NEMP2: variants seen among roughly 807,000 people sequenced by gnomAD.
NEMP2 encodes UPF0571 transmembrane protein.
A neutral mutation model predicts 54.2 loss-of-function variants in NEMP2; 53 were observed. That is an observed-to-expected ratio of 0.98 (90% CI 0.78 to 1.23). The LOEUF is 1.23. Among genes scored for constraint, NEMP2 ranks in the 50% most tolerant of loss-of-function variants. NEMP2 has a pLI of 0.00. For missense variants in NEMP2, 455 were observed against 511.3 expected (o/e 0.89, Z 1.06); for synonymous variants, 197 against 190.3 (o/e 1.04, Z -0.29).
At chr2:190,468,619 AT>A in the NEMP2 span, among the ~76,000 whole-genome samples, 75,573 of 127,956 alleles carry the variant, frequency 0.59, 22,122 homozygotes, top group East Asian at 0.9. Context: ...AGCCTGGCTA[AT>A]TTTTTTTTTT....
chr2:190,535,580 A>G (rs1489300226), upstream of NEMP2, among the ~76,000 whole-genome samples: 1 of 152,210 alleles, frequency 6.6e-6, no homozygotes, highest in Non-Finnish European at 1.5e-5. Context: ...TTTTGGTGAG[A>G]TATCTTAGAG....
At chr2:190,496,824 A>G in the NEMP2 span, among the ~76,000 whole-genome samples, 34,341 of 152,178 alleles carry the variant, frequency 0.23, 4,978 homozygotes, top group South Asian at 0.34. This position sits in a 1 kb window ranked among gnomAD's most constrained non-coding sequence, Gnocchi z 4.7. Context: ...AAAACCAAAC[A>G]TCGTATATTC....
At chr2:190,587,025 C>A in the NEMP2 span, among the ~76,000 whole-genome samples, 1 of 152,114 alleles carries the variant, frequency 6.6e-6, no homozygotes, top group Non-Finnish European at 1.5e-5. This position sits in a 1 kb window ranked among gnomAD's most constrained non-coding sequence, Gnocchi z 5.4. Flanking sequence ...CCATGTACAT[C>A]GTACACACAA....
chr2:190,578,652 T>C, the NEMP2 span, among the ~76,000 whole-genome samples: 1 of 151,838 alleles, frequency 6.6e-6, no homozygotes, highest in Non-Finnish European at 1.5e-5. The surrounding 1 kb of genome is among the most constrained non-coding windows in gnomAD (Gnocchi z 4.4). Flanking sequence ...CTGAGAGATA[T>C]GTGGGTGTGT....
chr2:190,612,225 G>A, the NEMP2 span, among the ~76,000 whole-genome samples: 1 of 143,300 alleles, frequency 7.0e-6, no homozygotes, highest in Non-Finnish European at 1.5e-5. Flanking sequence ...GCATGATCTC[G>A]GCTCACTGTA....
At chr2:190,589,813 T>A in the NEMP2 span, among the ~76,000 whole-genome samples, 1 of 152,194 alleles carries the variant, frequency 6.6e-6, no homozygotes, top group Non-Finnish European at 1.5e-5. The surrounding 1 kb of genome is among the most constrained non-coding windows in gnomAD (Gnocchi z 4.3). Flanking sequence ...CCATTGCCAA[T>A]GGCCTACCTG....
chr2:190,584,989 C>G, the NEMP2 span, among the ~76,000 whole-genome samples: 2 of 151,974 alleles, frequency 1.3e-5, no homozygotes, highest in African/African-American at 4.8e-5. The surrounding 1 kb of genome is among the most constrained non-coding windows in gnomAD (Gnocchi z 4.2). Flanking sequence ...GCTTAACTTC[C>G]AGTCAGTTGG....
chr2:190,609,786 C>G, the NEMP2 span: 1 of 152,210 alleles, frequency 6.6e-6, no homozygotes, highest in Non-Finnish European at 1.5e-5. This position sits in a 1 kb window ranked among gnomAD's most constrained non-coding sequence, Gnocchi z 4.7. Flanking sequence ...TTTCTGGCTA[C>G]TTCCTGCTGA....
chr2:190,616,673 G>C, the NEMP2 span, among the ~76,000 whole-genome samples: 1 of 152,014 alleles, frequency 6.6e-6, no homozygotes, highest in Non-Finnish European at 1.5e-5. The surrounding 1 kb of genome is among the most constrained non-coding windows in gnomAD (Gnocchi z 5.1). Flanking sequence ...TCTTCCCTTG[G>C]GGCTCACAGA....
the NEMP2 span, among the ~76,000 whole-genome samples, chr2:190,566,630 G>A: frequency 6.7e-6 from 1 of 149,776 alleles, no homozygotes; most frequent in African/African-American, 2.5e-5. Context: ...GAAAGGAAGG[G>A]GAAGGGAAGG....
At chr2:190,504,155 A>G (rs1174039525), downstream of NEMP2, among the ~76,000 whole-genome samples, 1 of 152,176 alleles carries the variant, frequency 6.6e-6, no homozygotes, top group Non-Finnish European at 1.5e-5. The surrounding 1 kb of genome is among the most constrained non-coding windows in gnomAD (Gnocchi z 5.6). Context: ...TTACACACAC[A>G]TAGAACATCT....
the NEMP2 span, among the ~76,000 whole-genome samples, chr2:190,552,243 T>C: frequency 1.3e-5 from 2 of 152,250 alleles, no homozygotes; most frequent in Non-Finnish European, 2.9e-5. Flanking sequence ...GATGCTGATA[T>C]AATTCAGGTC....
At chr2:190,592,933 T>A in the NEMP2 span, among the ~76,000 whole-genome samples, 2 of 152,234 alleles carry the variant, frequency 1.3e-5, no homozygotes, top group Admixed American at 6.5e-5. The surrounding 1 kb of genome is among the most constrained non-coding windows in gnomAD (Gnocchi z 4.4). Context: ...AAATCTGTTA[T>A]CTTTTAGTTT....
At chr2:190,489,112 G>C in the NEMP2 span, among the ~76,000 whole-genome samples, 1 of 152,124 alleles carries the variant, frequency 6.6e-6, no homozygotes, top group Non-Finnish European at 1.5e-5. This position sits in a 1 kb window ranked among gnomAD's most constrained non-coding sequence, Gnocchi z 6.6. Flanking sequence ...AGTGCTTTTG[G>C]TCTAAAATAA....
the NEMP2 span, among the ~76,000 whole-genome samples, chr2:190,595,302 T>C: frequency 6.6e-6 from 1 of 152,136 alleles, no homozygotes; most frequent in African/African-American, 2.4e-5. This position sits in a 1 kb window ranked among gnomAD's most constrained non-coding sequence, Gnocchi z 4.0. Flanking sequence ...ATAAAAACCC[T>C]AGAAGAAAAC....
chr2:190,489,724 G>T, the NEMP2 span: 1 of 1,552,412 alleles, frequency 6.4e-7, no homozygotes, highest in South Asian at 1.1e-5. This position sits in a 1 kb window ranked among gnomAD's most constrained non-coding sequence, Gnocchi z 6.6. Flanking sequence ...AGCGCTATCT[G>T]CATTTCTTGG....
the NEMP2 span, among the ~76,000 whole-genome samples, chr2:190,549,138 G>A: frequency 6.6e-6 from 1 of 152,154 alleles, no homozygotes; most frequent in East Asian, 1.9e-4. Context: ...CATACTTACA[G>A]TGCAGTTTGG....
chr2:190,636,373 G>A, the NEMP2 span, among the ~76,000 whole-genome samples: 1 of 152,128 alleles, frequency 6.6e-6, no homozygotes, highest in South Asian at 2.1e-4. Flanking sequence ...TTCCATCACT[G>A]TCAGCAGCAA....
At chr2:190,489,814 C>T in the NEMP2 span, 1 of 1,614,174 alleles carries the variant, frequency 6.2e-7, no homozygotes, top group South Asian at 1.1e-5. This position sits in a 1 kb window ranked among gnomAD's most constrained non-coding sequence, Gnocchi z 6.6. Context: ...GCTTGGTGAT[C>T]CTACTGCTCT....
Sources: allele counts gnomAD v4.1 joint callset (sites outside exome capture counted in the v4.1 genomes callset), GRCh38; gene constraint gnomAD v4.1.1; non-coding constraint Gnocchi (gnomAD v3.1); transcripts MANE v1.5; gene names NCBI Gene and HGNC (gene_info 2026-07-23, HGNC 2026-07-21).